The following WNK3 variants were observed in gnomAD, a reference collection of about 807,000 sequenced individuals.
The protein encoded by WNK3 is WNK lysine deficient protein kinase 3.
A neutral mutation model predicts 116.7 loss-of-function variants in WNK3; 18 were observed. That is an observed-to-expected ratio of 0.15 (90% CI 0.11 to 0.23). WNK3 has a LOEUF of 0.23. Ranked by LOEUF, WNK3 falls within the 10% of genes least tolerant of loss-of-function variation. The pLI, the probability that WNK3 is intolerant of heterozygous loss-of-function variation, is 1.00. For missense variants in WNK3, 993 were observed against 1,323.8 expected (o/e 0.75, Z 3.88); for synonymous variants, 404 against 469.4 (o/e 0.86, Z 1.80).
intron 13 of WNK3, among the ~76,000 whole-genome samples, chrX:54,253,037 C>T (rs782765606): frequency 5.4e-5 from 6 of 110,254 alleles, no homozygotes; most frequent in Non-Finnish European, 1.1e-4. Context: ...CAATAACATG[C>T]AAGATGTTAG....
At chrX:54,243,769 G>A (rs1237686226) in intron 17 of WNK3, among the ~76,000 whole-genome samples, 1 of 111,777 alleles carries the variant, frequency 8.9e-6, no homozygotes. Context: ...AAAGTTAAAC[G>A]TAGAATTACC....
At position 54,315,710 on chromosome X, in the gene WNK3, ACTT is replaced by A. The variant is rs1313626369; in HGVS notation, c.538-4422_538-4420del. 9.0e-5 allele frequency among the ~76,000 whole-genome samples: 10 copies of A among 111,653 alleles called. No homozygotes were observed. The Admixed American group carries it at 9.6e-4, about 11-fold the overall frequency. On this transcript the variant is annotated intron_variant, in intron 2 of 23. Coordinates refer to ENST00000354646, the Ensembl canonical transcript of WNK3. Reference sequence around the variant, plus strand: ...TACTAGATATCTACTTTTAGATACTACTTCTTTTTGATTATCGAGACTACTAAT... The same window carrying A: ...TACTAGATATCTACTTTTAGATACTACTTTTTGATTATCGAGACTACTAAT...
intron 2 of WNK3, among the ~76,000 whole-genome samples, chrX:54,330,946 G>A (rs1469626524): frequency 9.0e-6 from 1 of 111,131 alleles, no homozygotes; most frequent in East Asian, 2.8e-4. Flanking sequence ...CTGGGAGGTG[G>A]AGGTTACAAT....
At chrX:54,297,531 T>C (rs2068711714) in intron 7 of WNK3, among the ~76,000 whole-genome samples, 1 of 106,335 alleles carries the variant, frequency 9.4e-6, no homozygotes, top group Admixed American at 1.0e-4. Flanking sequence ...GAGCCGAGAT[T>C]GTGCCACTGC....
At chrX:54,317,627 A>C (rs1304016132) in intron 2 of WNK3, among the ~76,000 whole-genome samples, 2 of 109,798 alleles carry the variant, frequency 1.8e-5, no homozygotes, top group Admixed American at 9.8e-5. Flanking sequence ...TGGGAAGTTA[A>C]ATTTTTTTTT....
intron 22 of WNK3, among the ~76,000 whole-genome samples, chrX:54,204,004 G>A (rs1197202705): frequency 1.8e-5 from 2 of 111,577 alleles, no homozygotes; most frequent in Non-Finnish European, 3.8e-5. Context: ...AGTAGGAAAT[G>A]GAAGAAGATA....
exon 24 of WNK3, chrX:54,195,722 G>T (rs781920175): frequency 9.0e-6 from 1 of 111,135 alleles, no homozygotes; most frequent in Non-Finnish European, 1.9e-5. Context: ...ATGATAACCC[G>T]GTTACTGCAG....
At chrX:54,221,990 CTA>C (rs1402103807) in intron 22 of WNK3, among the ~76,000 whole-genome samples, 2 of 111,239 alleles carry the variant, frequency 1.8e-5, no homozygotes, top group East Asian at 5.6e-4. Flanking sequence ...AACCCTGTCT[CTA>C]TTAAAAATAC....
intron 10 of WNK3, among the ~76,000 whole-genome samples, chrX:54,291,003 T>C (rs1005110490): frequency 4.5e-5 from 5 of 111,624 alleles, no homozygotes; most frequent in Non-Finnish European, 9.4e-5. Context: ...ATCTAAAGGC[T>C]ATACCTCAAA....
At chrX:54,289,245 G>A (rs782025914) in intron 10 of WNK3, among the ~76,000 whole-genome samples, 26 of 105,520 alleles carry the variant, frequency 2.5e-4, no homozygotes, top group South Asian at 8.6e-4. Flanking sequence ...GTTGTACAGT[G>A]TAAAGAGGAT....
At chrX:54,198,580 G>A in exon 24 of WNK3, 1 of 1,210,724 alleles carries the variant, frequency 8.3e-7, no homozygotes, top group African/African-American at 1.7e-5. Context: ...TGGCAAGGAA[G>A]TTGGGACAGC....
chrX:54,258,104 C>A (rs2068214967), intron 11 of WNK3, among the ~76,000 whole-genome samples: 1 of 107,266 alleles, frequency 9.3e-6, no homozygotes, highest in Non-Finnish European at 1.9e-5. Context: ...ATGGTGAAAC[C>A]CTGTCTCTAC....
At chrX:54,313,804 T>G (rs1370739708) in intron 2 of WNK3, among the ~76,000 whole-genome samples, 5 of 112,241 alleles carry the variant, frequency 4.5e-5, no homozygotes, top group Non-Finnish European at 1.9e-5. Flanking sequence ...TACAAGTTTT[T>G]GATACATCTT....
At chrX:54,258,300 A>C (rs1557155997) in intron 11 of WNK3, among the ~76,000 whole-genome samples, 1 of 107,894 alleles carries the variant, frequency 9.3e-6, no homozygotes, top group Non-Finnish European at 1.9e-5. Context: ...AAAAAAAAGA[A>C]CAAGATGAAT....
At chrX:54,260,723 T>C (rs1233426636) in intron 10 of WNK3, among the ~76,000 whole-genome samples, 3 of 110,595 alleles carry the variant, frequency 2.7e-5, no homozygotes, top group African/African-American at 9.9e-5. Flanking sequence ...TTACTTTCAT[T>C]TGTTTGTTTT....
chrX:54,271,665 A>G (rs1174395738), intron 10 of WNK3, among the ~76,000 whole-genome samples: 2 of 112,353 alleles, frequency 1.8e-5, no homozygotes, highest in Admixed American at 1.9e-4. Context: ...AAAAGCTTTC[A>G]TAATTGCTAT....
At chrX:54,218,809 G>A (rs1557145959) in intron 22 of WNK3, among the ~76,000 whole-genome samples, 2 of 110,891 alleles carry the variant, frequency 1.8e-5, no homozygotes, top group Non-Finnish European at 3.8e-5. Context: ...GCTTGAACCC[G>A]GGAAGCGGAG....
At chrX:54,288,722 C>G (rs1557164440) in intron 10 of WNK3, among the ~76,000 whole-genome samples, 1 of 111,288 alleles carries the variant, frequency 9.0e-6, no homozygotes, top group East Asian at 2.8e-4. Context: ...TCGCTGAAAG[C>G]TGGACATTAA....
At chrX:54,282,560 C>G (rs1284028807) in intron 10 of WNK3, among the ~76,000 whole-genome samples, 2 of 111,692 alleles carry the variant, frequency 1.8e-5, no homozygotes, top group Non-Finnish European at 3.8e-5. Flanking sequence ...TCCCAGCTGG[C>G]TTTTTGGACA....
Sources: gnomAD v4.1 joint callset for allele counts (sites outside exome capture counted in the v4.1 genomes callset) on GRCh38, gnomAD v4.1.1 for gene constraint, MANE v1.5 for transcripts, NCBI Gene and HGNC (gene_info 2026-07-23, HGNC 2026-07-21) for gene names.